The following ZNF595 variants were observed in gnomAD, a reference collection of about 807,000 sequenced individuals.
ZNF595 encodes the protein zinc finger protein 595.
Under a neutral mutation model 19.4 loss-of-function variants are expected in ZNF595, and 9 were observed. That is an observed-to-expected ratio of 0.46 (90% CI 0.28 to 0.81). The LOEUF is 0.81. Ranked by LOEUF, ZNF595 falls within the 30% of genes least tolerant of loss-of-function variation. The pLI, the probability that ZNF595 is intolerant of heterozygous loss-of-function variation, is 0.11. For missense variants in ZNF595, 729 were observed against 736.0 expected (o/e 0.99, Z 0.11); for synonymous variants, 255 against 255.9 (o/e 1.00, Z 0.03).
intron 3 of ZNF595, among the ~76,000 whole-genome samples, chr4:77,125 C>G (rs556179928): frequency 6.6e-6 from 1 of 151,360 alleles, no homozygotes; most frequent in African/African-American, 2.4e-5. Flanking sequence ...GCTTTATTCA[C>G]TCTTTCATTC....
At chr4:75,627 G>A (rs1164827858) in intron 3 of ZNF595, among the ~76,000 whole-genome samples, 1 of 152,160 alleles carries the variant, frequency 6.6e-6, no homozygotes, top group Non-Finnish European at 1.5e-5. Context: ...AAGAATTACT[G>A]ATTGGTAAGA....
chr4:70,122 T>A (rs1713365818), intron 3 of ZNF595, among the ~76,000 whole-genome samples: 1 of 152,090 alleles, frequency 6.6e-6, no homozygotes, highest in African/African-American at 2.4e-5. Flanking sequence ...TAAAGAGTAA[T>A]TGACATTGTG....
chr4:71,142 A>G (rs1292975152), intron 3 of ZNF595, among the ~76,000 whole-genome samples: 4 of 152,008 alleles, frequency 2.6e-5, no homozygotes, highest in African/African-American at 9.7e-5. Flanking sequence ...TCTTTTTCAC[A>G]TTGTTCACTG....
At position 87,622 on chromosome 4, in the gene ZNF595, G is replaced by T; in HGVS notation, c.*171G>T. ...GCTTATTTGGATTATTTTGATACAG[G>T]CATATGACATGTAATTATCACATCA... On this transcript the variant is annotated 3_prime_UTR_variant, in exon 4 of 4. Transcript: ENST00000610261. 2 of 515,270 alleles carry T rather than the reference G, an allele frequency of 3.9e-6. No individual in the cohort carries two copies. Among genetic ancestry groups the T allele is most frequent in the Non-Finnish European group, 6.5e-6 (2 of 309,982 alleles). 31.9% of individuals were successfully genotyped at this position (515,270 alleles called of 1,614,324 possible).
intron 3 of ZNF595, among the ~76,000 whole-genome samples, chr4:78,144 G>T (rs1008013768): frequency 2.0e-5 from 3 of 152,146 alleles, no homozygotes; most frequent in Non-Finnish European, 1.5e-5. Context: ...GAGTAGCTGG[G>T]ACTACAGGCG....
intron 3 of ZNF595, among the ~76,000 whole-genome samples, chr4:83,605 G>C (rs140070445): frequency 8.3e-6 from 1 of 120,658 alleles, no homozygotes; most frequent in Non-Finnish European, 1.6e-5. Context: ...GGGTGACAGA[G>C]TGAGACTCCG....
At chr4:71,081 T>A (rs566856489) in intron 3 of ZNF595, among the ~76,000 whole-genome samples, 3 of 152,346 alleles carry the variant, frequency 2.0e-5, no homozygotes, top group Admixed American at 6.5e-5. Context: ...TGTTAATTCC[T>A]AGGTATTTAA....
intron 3 of ZNF595, among the ~76,000 whole-genome samples, chr4:61,410 A>G (rs1416074206): frequency 6.6e-6 from 1 of 152,252 alleles, no homozygotes; most frequent in South Asian, 2.1e-4. Context: ...TGCTAGAATT[A>G]CAGGCCTGAG....
rs1712464639 is a variant in ZNF595 at position 53,465 on chromosome 4, T to G, written c.-24T>G. ...GTATTGGACAATTTGTAGCTAAGAC[T>G]CCCGGATACCCTGAAGTCGGGAAAT... is the stretch of plus-strand genomic sequence containing the variant. On this transcript the variant is annotated 5_prime_UTR_variant, in exon 1 of 4. Transcript: ENST00000610261. 7.0e-7 allele frequency: 1 copy of G among 1,431,972 alleles called. No homozygotes were observed. Among genetic ancestry groups the G allele is most frequent in the Non-Finnish European group, 9.3e-7 (1 of 1,076,276 alleles). The allele number at this position is 1,431,972 out of a possible 1,614,324, so 88.7% of individuals were successfully genotyped here.
At chr4:70,919 T>A (rs1442599058) in intron 3 of ZNF595, among the ~76,000 whole-genome samples, 1 of 152,258 alleles carries the variant, frequency 6.6e-6, no homozygotes, top group East Asian at 1.9e-4. Context: ...TTGCATTAAA[T>A]CTGTAGATTG....
At position 86,687 on chromosome 4, in the gene ZNF595, C is replaced by G; in HGVS notation, c.1183C>G (p.Pro395Ala). ...TAAGAGAATTCATACTGGAGAGAAA[C>G]CCTACACATGTGAAGAATGTGGCAA... is the stretch of plus-strand genomic sequence containing the variant. ...KHKRIHTGEK[P>A]YTCEECGKAF... Residue 395 changes from proline to alanine, a missense_variant, in exon 4 of 4, where the codon CCC (proline) becomes GCC (alanine). This residue lies in a region of ZNF595 where 729 missense variants were observed against 675.3 expected (regional missense o/e 1.08). Transcript: ENST00000610261. 1.9e-6 allele frequency: 3 copies of G among 1,613,660 alleles called. No individual in the cohort carries two copies. The highest frequency in any genetic ancestry group is 2.5e-6 in the Non-Finnish European group (3 of 1,179,882).
chr4:85,543 A>G (rs782382157), intron 3 of ZNF595, among the ~76,000 whole-genome samples, 188 bp from the exon 4 acceptor site: 6 of 152,182 alleles, frequency 3.9e-5, no homozygotes, highest in Non-Finnish European at 8.8e-5. Context: ...TAACTCATTT[A>G]CAGATTTTGC....
chr4:80,637 G>A (rs530993204), intron 3 of ZNF595, among the ~76,000 whole-genome samples: 3 of 152,202 alleles, frequency 2.0e-5, no homozygotes, highest in Admixed American at 6.5e-5. Flanking sequence ...TACAGTCAAA[G>A]GGGTTGTTCT....
At chr4:74,643 T>G (rs1713570667) in intron 3 of ZNF595, among the ~76,000 whole-genome samples, 1 of 152,186 alleles carries the variant, frequency 6.6e-6, no homozygotes, top group African/African-American at 2.4e-5. Context: ...AAGAAGTACA[T>G]TGATTCGGTC....
intron 3 of ZNF595, among the ~76,000 whole-genome samples, chr4:84,952 C>T (rs1201733878): frequency 6.6e-6 from 1 of 151,786 alleles, no homozygotes; most frequent in Non-Finnish European, 1.5e-5. Context: ...GCCATGTTGC[C>T]CTAATATTTT....
rs781846317 is a variant in ZNF595 at position 86,823 on chromosome 4, T to C, written c.1319T>C (p.Ile440Thr). 86 of 1,612,878 alleles carry C rather than the reference T, an allele frequency of 5.3e-5. No homozygotes were observed. The highest frequency in any genetic ancestry group is 4.9e-4 in the Middle Eastern group (3 of 6,072). ...GKAFNQSSTL[I>T]LHKRIHSGQK... ...GCTTTTAACCAATCCTCAACTCTTA[T>C]ATTACACAAGAGAATCCATTCTGGG... The change falls in exon 4 of 4, where the codon ATA (isoleucine) becomes ACA (threonine). Residue 440 changes from isoleucine (I) to threonine (T), a missense_variant. Transcript: ENST00000610261.
chr4:82,847 C>G (rs1203977333), intron 3 of ZNF595, among the ~76,000 whole-genome samples: 1 of 152,082 alleles, frequency 6.6e-6, no homozygotes, highest in Non-Finnish European at 1.5e-5. Flanking sequence ...ATGTATTCTG[C>G]TTTTGTTTAA....
rs33985555 is a variant in ZNF595 at position 87,715 on chromosome 4, A to ATT, written c.*286_*287dup. ...ACACACAGTCCAGTTATACACTTTA[A>ATT]TTTTTTTTTTTTTTTTTTTTTTTGA... On this transcript the variant is annotated 3_prime_UTR_variant, in exon 4 of 4. Coordinates refer to ENST00000610261, the MANE Select transcript of ZNF595 (RefSeq NM_182524.4). 1,387 of 117,468 alleles carry ATT rather than the reference A, an allele frequency of 0.012. 4 individuals are homozygous for ATT. Among genetic ancestry groups the ATT allele is most frequent in the Non-Finnish European group, 0.016 (985 of 59,876 alleles). 7.3% of individuals were successfully genotyped at this position (117,468 alleles called of 1,614,324 possible). A position where few individuals can be genotyped will look rare whatever the true frequency, so the allele number is the denominator to read the frequency against.
chr4:77,208 C>T (rs192794021), intron 3 of ZNF595, among the ~76,000 whole-genome samples: 3 of 149,676 alleles, frequency 2.0e-5, no homozygotes, highest in Admixed American at 6.6e-5. Flanking sequence ...GTATAACTGT[C>T]TCCTGTTAAA....
Sources: gnomAD v4.1 joint callset for allele counts (sites outside exome capture counted in the v4.1 genomes callset) on GRCh38, gnomAD v4.1.1 for gene constraint, gnomAD v4.1.1 regional missense constraint, MANE v1.5 for transcripts, NCBI Gene and HGNC (gene_info 2026-07-23, HGNC 2026-07-21) for gene names.